The following PPM1B variants were observed in gnomAD, a reference collection of about 807,000 sequenced individuals.
PPM1B encodes the protein protein phosphatase 1B.
In PPM1B, 22 loss-of-function variants were observed where a neutral mutation model predicts 43.0. That is an observed-to-expected ratio of 0.51 (90% CI 0.37 to 0.73). The LOEUF is 0.73. Among genes scored for constraint, PPM1B ranks in the 30% least tolerant of loss-of-function variants. The pLI is 0.00. For synonymous variants in PPM1B, 217 were observed against 197.9 expected, an observed-to-expected ratio of 1.10 and a Z score of -0.81; for missense variants, 632 against 584.2, an observed-to-expected ratio of 1.08 and a Z score of -0.84.
chr2:44,191,021 G>A (rs1668381250), intron 1 of PPM1B, among the ~76,000 whole-genome samples: 1 of 152,212 alleles, frequency 6.6e-6, no homozygotes, highest in Admixed American at 6.5e-5. Flanking sequence ...ACATTTTGCT[G>A]TTTGCTTCAA....
intron 1 of PPM1B, among the ~76,000 whole-genome samples, chr2:44,173,305 T>C (rs577002591): frequency 6.6e-6 from 1 of 152,364 alleles, no homozygotes; most frequent in Non-Finnish European, 1.5e-5. Context: ...TTTCTCAGAG[T>C]ATTTAAAGAT....
intron 2 of PPM1B, among the ~76,000 whole-genome samples, chr2:44,204,509 G>C (rs1195581348): frequency 6.6e-6 from 1 of 152,080 alleles, no homozygotes; most frequent in East Asian, 1.9e-4. Context: ...ATTAAATCTT[G>C]GGAGGTTATC....
rs1386579402 is a variant in PPM1B, at chr2:44,209,294, G to C, written c.931G>C (p.Glu311Gln). Residue 311 changes from glutamate to glutamine, a missense_variant, in exon 3 of 6, where the codon GAG becomes CAG. Coordinates refer to ENST00000282412, the MANE Select transcript of PPM1B (RefSeq NM_002706.6). ...VSDEAVKKDS[E>Q]LDKHLESRVE... ...AGATGAAGCGGTGAAAAAAGATTCA[G>C]AGTTGGATAAGCACTTGGAATCACG... The C allele has an allele frequency of 6.2e-7, 1 of 1,614,052 alleles. No individual in the cohort carries two copies.
chr2:44,194,733 A>G (rs1668575954), intron 1 of PPM1B, among the ~76,000 whole-genome samples: 1 of 152,120 alleles, frequency 6.6e-6, no homozygotes, highest in Non-Finnish European at 1.5e-5. Context: ...AAAAAAAAGA[A>G]GAAGGCTGAG....
downstream of PPM1B, among the ~76,000 whole-genome samples, chr2:44,234,880 CA>C (rs1337282931): frequency 6.6e-6 from 1 of 152,056 alleles, no homozygotes; most frequent in Non-Finnish European, 1.5e-5. Context: ...TACAAAAATT[CA>C]GTGTAAAAAG....
intron 2 of PPM1B, 43 bp from the exon 3 acceptor site, chr2:44,209,167 T>C: frequency 1.4e-6 from 2 of 1,466,428 alleles, no homozygotes; most frequent in Non-Finnish European, 1.8e-6. Flanking sequence ...AATAGTTGAT[T>C]GTAGAAATAC....
chr2:44,198,079 C>T (rs1248912036), intron 1 of PPM1B, among the ~76,000 whole-genome samples: 2 of 152,010 alleles, frequency 1.3e-5, no homozygotes, highest in Non-Finnish European at 2.9e-5. Flanking sequence ...TGTCCATGTG[C>T]CCCCTCTAAA....
In PPM1B at chr2:44,205,354, G is replaced by GTGTCGGGGTGTGTGTGTGTGT. The variant is rs1669134502; in HGVS notation, c.846+3309_846+3310insTGTCGGGGTGTGTGTGTGTGT. Among the ~76,000 whole-genome samples, 12 of 91,822 alleles carry GTGTCGGGGTGTGTGTGTGTGT rather than the reference G, an allele frequency of 1.3e-4. No individual in the cohort carries two copies. In the South Asian group the frequency reaches 2.4e-3, roughly 18 times the overall value. The allele number at this position is 91,822 out of a possible 152,430, so 60.2% of individuals were successfully genotyped here. A position where few individuals can be genotyped will look rare whatever the true frequency, so the allele number is the denominator to read the frequency against. On this transcript the variant is annotated intron_variant, in intron 2 of 5. Transcript: ENST00000282412. ...AAGAGTGGGTGTGGGTGTGGGTGTG[G>GTGTCGGGGTGTGTGTGTGTGT]GTGTGTGTGTGTGTGTGTGTGTGTG... is the stretch of plus-strand genomic sequence containing the variant.
intron 1 of PPM1B, among the ~76,000 whole-genome samples, chr2:44,176,189 C>T (rs1029505233): frequency 2.0e-5 from 3 of 152,096 alleles, no homozygotes; most frequent in Non-Finnish European, 4.4e-5. Flanking sequence ...ACTGTACATC[C>T]TTGGATAGAT....
At position 44,230,812 on chromosome 2, in the gene PPM1B, CT is replaced by C. The variant is rs1208837765; in HGVS notation, c.*96del. 2 of 1,487,374 alleles carry C rather than the reference CT, an allele frequency of 1.3e-6. No homozygotes were observed. The highest frequency in any genetic ancestry group is 1.8e-6 in the Non-Finnish European group (2 of 1,118,292). 92.1% of individuals were successfully genotyped at this position (1,487,374 alleles called of 1,614,324 possible). On this transcript the variant is annotated 3_prime_UTR_variant, in exon 6 of 6. Coordinates refer to ENST00000282412, the MANE Select transcript of PPM1B (RefSeq NM_002706.6). Reference sequence around the variant, plus strand: ...TATATAACTGTTTTGTTATTTGAATCTTGGAAAACTAGTTTTATTATATTCA... The same window carrying C: ...TATATAACTGTTTTGTTATTTGAATCTGGAAAACTAGTTTTATTATATTCA...
chr2:44,207,076 C>G (rs1167970402), intron 2 of PPM1B, among the ~76,000 whole-genome samples: 1 of 152,142 alleles, frequency 6.6e-6, no homozygotes, highest in African/African-American at 2.4e-5. Flanking sequence ...ATGAAATACT[C>G]AAGTTGGTTC....
intron 3 of PPM1B, among the ~76,000 whole-genome samples, chr2:44,210,569 C>T (rs777420519): frequency 5.3e-5 from 8 of 152,078 alleles, no homozygotes; most frequent in Non-Finnish European, 1.2e-4. Context: ...CAGGATCTCC[C>T]ATGTACATGT....
intron 1 of PPM1B, among the ~76,000 whole-genome samples, chr2:44,176,631 C>T (rs896891203): frequency 3.3e-5 from 5 of 152,324 alleles, no homozygotes; most frequent in African/African-American, 1.2e-4. Context: ...TCCTACTGAA[C>T]CAGTTTGGTA....
chr2:44,193,456 C>T (rs1668502975), intron 1 of PPM1B, among the ~76,000 whole-genome samples: 1 of 152,080 alleles, frequency 6.6e-6, no homozygotes, highest in African/African-American at 2.4e-5. Flanking sequence ...GGCTGAAGTA[C>T]AGTGGCCCAT....
chr2:44,220,208 C>T (rs915127660), intron 5 of PPM1B, among the ~76,000 whole-genome samples: 3 of 151,762 alleles, frequency 2.0e-5, no homozygotes, highest in Non-Finnish European at 4.4e-5. Context: ...TAGAAGTACT[C>T]CCATTTCCTC....
rs543893959 is a variant in PPM1B, at chr2:44,200,219, C to CT, written c.-14-966dup. The stretch of plus-strand genomic sequence containing the variant: ...CCCTATGAGGTATAGGTACAGGTGA[C>CT]TAAGAAATTTGCCCAAGGTCACCTA... On this transcript the variant is annotated intron_variant, in intron 1 of 5. Coordinates refer to ENST00000282412, the MANE Select transcript of PPM1B (RefSeq NM_002706.6). 8.2e-4 allele frequency among the ~76,000 whole-genome samples: 125 copies of CT among 152,290 alleles called. 1 individual carries two copies. The highest frequency in any genetic ancestry group is 3.6e-3 in the Admixed American group (55 of 15,288).
Position 44,201,243 on chromosome 2 carries a change from C to G in PPM1B, c.44C>G (p.Ala15Gly). ...AAACCCAAAACTGAAAAACATAATG[C>G]TCATGGTGCTGGGAATGGTTTACGT... ...LDKPKTEKHN[A>G]HGAGNGLRYG... The change falls in exon 2 of 6, where the codon GCT becomes GGT. Residue 15 changes from alanine (A) to glycine (G), a missense_variant. Ala to Gly is a moderately conservative substitution (Grantham distance 60). Around this residue, in one of 3 missense-constraint regions of PPM1B, gnomAD observed 200 missense variants for 200.7 expected, o/e 1.00. Coordinates refer to ENST00000282412, the MANE Select transcript of PPM1B (RefSeq NM_002706.6). This position sits in a 1 kb window ranked among gnomAD's most constrained non-coding sequence, Gnocchi z 5.4. 1 of 1,610,538 alleles carries G rather than the reference C, an allele frequency of 6.2e-7. No individual in the cohort carries two copies. The highest frequency in any genetic ancestry group is 1.1e-5 in the South Asian group (1 of 90,494).
At chr2:44,192,191 G>T (rs200857429) in intron 1 of PPM1B, among the ~76,000 whole-genome samples, 69 of 7,518 alleles carry the variant, frequency 9.2e-3, no homozygotes, top group East Asian at 0.054. Context: ...TTATGTTATG[G>T]TATTGTATTG....
In PPM1B at chr2:44,201,779, G is replaced by C; in HGVS notation, c.580G>C (p.Gly194Arg). The stretch of plus-strand genomic sequence containing the variant: ...CAGCGTGATGATACAACGTGTTAAT[G>C]GTTCATTAGCAGTATCTCGTGCTCT... ...GGSVMIQRVN[G>R]SLAVSRALGD... Residue 194 changes from glycine (G) to arginine (R), a missense_variant, in exon 2 of 6, where the codon GGT becomes CGT. Physicochemically the swap from Gly to Arg is moderately radical, Grantham distance 125 (BLOSUM62 -2). Coordinates refer to ENST00000282412, the MANE Select transcript of PPM1B (RefSeq NM_002706.6). This position sits in a 1 kb window ranked among gnomAD's most constrained non-coding sequence, Gnocchi z 5.4. 6.2e-7 allele frequency: 1 copy of C among 1,614,196 alleles called. No individual in the cohort carries two copies. Among genetic ancestry groups the C allele is most frequent in the Non-Finnish European group, 8.5e-7 (1 of 1,180,024 alleles).
Sources: allele counts gnomAD v4.1 joint callset (sites outside exome capture counted in the v4.1 genomes callset), GRCh38; gene constraint gnomAD v4.1.1; regional missense constraint gnomAD v4.1.1; non-coding constraint Gnocchi (gnomAD v3.1); transcripts MANE v1.5; gene names NCBI Gene and HGNC (gene_info 2026-07-23, HGNC 2026-07-21).